MAN2A1: variants seen among roughly 807,000 people sequenced by gnomAD.
MAN2A1 encodes mannosidase alpha class 2A member 1.
MAN2A1 carries 76 observed loss-of-function variants against 142.6 expected under a neutral mutation model. The ratio of observed to expected loss-of-function variants is 0.53; its 90% CI spans 0.44 to 0.65. The LOEUF is 0.65. Ranked by LOEUF, MAN2A1 falls within the 30% of genes least tolerant of loss-of-function variation. The probability of loss-of-function intolerance (pLI) is 0.00; values close to 1 mark genes in which losing one functional copy is unlikely to be tolerated. For synonymous variants in MAN2A1, 559 were observed against 473.2 expected, an observed-to-expected ratio of 1.18 and a Z score of -2.35; for missense variants, 1,311 against 1,365.1, an observed-to-expected ratio of 0.96 and a Z score of 0.62.
At chr5:109,823,025 T>C (rs1171431081) in intron 15 of MAN2A1, among the ~76,000 whole-genome samples, 3 of 152,228 alleles carry the variant, frequency 2.0e-5, no homozygotes. Context: ...CCTAACTTTC[T>C]ATGCTATTGT....
chr5:109,739,934 T>G (rs1237860666), intron 4 of MAN2A1, among the ~76,000 whole-genome samples: 1 of 152,152 alleles, frequency 6.6e-6, no homozygotes, highest in African/African-American at 2.4e-5. Flanking sequence ...GGCTGACAGA[T>G]GGAGGGAGGG....
At position 109,710,550 on chromosome 5, in the gene MAN2A1, G is replaced by T. The variant is rs1193721804; in HGVS notation, c.136-2970G>T. Among the ~76,000 whole-genome samples the T allele has an allele frequency of 4.6e-5, 7 of 151,216 alleles. No individual in the cohort carries two copies. The East Asian group carries it at 1.4e-3, about 29-fold the overall frequency. ...GACGGAGTCTCGCTTTATCGCCTAT[G>T]TTGGAGTGCAGTGATGCGATCTTGG... On this transcript the variant is annotated intron_variant, in intron 1 of 21. Coordinates refer to ENST00000261483, the MANE Select transcript of MAN2A1 (RefSeq NM_002372.4).
At chr5:109,719,493 T>C (rs1049838617) in intron 3 of MAN2A1, among the ~76,000 whole-genome samples, 4 of 152,292 alleles carry the variant, frequency 2.6e-5, no homozygotes, top group African/African-American at 7.2e-5. Flanking sequence ...ACACTGCAAG[T>C]CAAAATGTGA....
At chr5:109,792,572 G>T (rs1029565383) in intron 12 of MAN2A1, among the ~76,000 whole-genome samples, 6 of 152,058 alleles carry the variant, frequency 3.9e-5, no homozygotes, top group African/African-American at 1.4e-4. Context: ...AAATGTTTTA[G>T]TAGACTATTG....
At chr5:109,842,932 A>C (rs1022694602) in intron 17 of MAN2A1, among the ~76,000 whole-genome samples, 1 of 151,232 alleles carries the variant, frequency 6.6e-6, no homozygotes, top group African/African-American at 2.4e-5. Context: ...CAGCCTCCCA[A>C]GTAGCTGGCA....
chr5:109,713,805 C>CG (rs199806853), intron 2 of MAN2A1, 31 bp downstream of exon 2: 21,255 of 1,354,170 alleles, frequency 0.016, 23 homozygotes, highest in East Asian at 0.12. Context: ...TAATCACTGG[C>CG]CTTTTTTTTT....
chr5:109,766,666 G>A (rs968283217), intron 5 of MAN2A1, among the ~76,000 whole-genome samples: 5 of 151,850 alleles, frequency 3.3e-5, no homozygotes, highest in Non-Finnish European at 5.9e-5. Flanking sequence ...CATCATCTTA[G>A]GTAAGGTGCT....
intron 1 of MAN2A1, among the ~76,000 whole-genome samples, chr5:109,702,585 C>T (rs2112547026): frequency 6.6e-6 from 1 of 152,212 alleles, no homozygotes; most frequent in Admixed American, 6.5e-5. Context: ...CTGTCTTTGA[C>T]CCTGGGCTAC....
chr5:109,833,402 C>G (rs1259853850), intron 16 of MAN2A1, among the ~76,000 whole-genome samples: 2 of 152,156 alleles, frequency 1.3e-5, no homozygotes. Flanking sequence ...GTGAGCGAGA[C>G]TCCATCTGCA....
chr5:109,839,510 TA>T (rs35613493), intron 16 of MAN2A1, among the ~76,000 whole-genome samples: 25,395 of 142,952 alleles, frequency 0.18, 2,998 homozygotes, highest in East Asian at 0.64. Flanking sequence ...CTATGGCCAT[TA>T]AAAAAAAAAA....
intron 12 of MAN2A1, among the ~76,000 whole-genome samples, chr5:109,797,995 C>A (rs970615243): frequency 6.6e-6 from 1 of 152,104 alleles, no homozygotes; most frequent in Non-Finnish European, 1.5e-5. Context: ...TTAAAAATTT[C>A]TTGATGAGGT....
intron 7 of MAN2A1, 33 bp downstream of exon 7, chr5:109,770,574 T>G: frequency 6.3e-7 from 1 of 1,588,812 alleles, no homozygotes; most frequent in South Asian, 1.1e-5. Context: ...AGACAACATC[T>G]TGAATAAAGT....
At chr5:109,762,570 T>A (rs781268306) in intron 5 of MAN2A1, among the ~76,000 whole-genome samples, 11 of 152,120 alleles carry the variant, frequency 7.2e-5, no homozygotes, top group Non-Finnish European at 1.5e-4. Flanking sequence ...GAGTTGGAGC[T>A]CATTTCTGCA....
chr5:109,710,761 G>C (rs1751277835), intron 1 of MAN2A1, among the ~76,000 whole-genome samples: 1 of 152,048 alleles, frequency 6.6e-6, no homozygotes, highest in African/African-American at 2.4e-5. Context: ...TGCGATCTTG[G>C]CTCACCACAA....
intron 12 of MAN2A1, among the ~76,000 whole-genome samples, chr5:109,798,657 CTG>C (rs1330017899): frequency 8.6e-5 from 13 of 151,980 alleles, no homozygotes; most frequent in Admixed American, 7.9e-4. Flanking sequence ...CCTTTTCATT[CTG>C]TGTTTTGTTT....
At chr5:109,723,349 A>G (rs781108497) in intron 3 of MAN2A1, among the ~76,000 whole-genome samples, 2 of 152,220 alleles carry the variant, frequency 1.3e-5, no homozygotes, top group Non-Finnish European at 2.9e-5. Context: ...AAAAGCATTT[A>G]GAGGCATCAG....
intron 1 of MAN2A1, among the ~76,000 whole-genome samples, chr5:109,706,441 C>T (rs1313172263): frequency 6.6e-6 from 1 of 152,158 alleles, no homozygotes; most frequent in East Asian, 1.9e-4. Context: ...CTTTCACAGC[C>T]AGTCCAAGCA....
At chr5:109,842,687 C>T (rs1755238549) in intron 17 of MAN2A1, among the ~76,000 whole-genome samples, 1 of 150,956 alleles carries the variant, frequency 6.6e-6, no homozygotes, top group Non-Finnish European at 1.5e-5. Flanking sequence ...TTTATTTGTT[C>T]AAAGGGTAAA....
At chr5:109,794,716 G>A (rs933442817) in intron 12 of MAN2A1, among the ~76,000 whole-genome samples, 1 of 152,056 alleles carries the variant, frequency 6.6e-6, no homozygotes, top group Non-Finnish European at 1.5e-5. Flanking sequence ...GTCTAGTTTA[G>A]TTGTATCTAG....
Sources: allele counts gnomAD v4.1 joint callset (sites outside exome capture counted in the v4.1 genomes callset), GRCh38; gene constraint gnomAD v4.1.1; transcripts MANE v1.5; gene names NCBI Gene and HGNC (gene_info 2026-07-23, HGNC 2026-07-21).